The following LY9 variants were observed in gnomAD, a reference collection of about 807,000 sequenced individuals.
The protein encoded by LY9 is T-lymphocyte surface antigen Ly-9.
A neutral mutation model predicts 64.6 loss-of-function variants in LY9; 59 were observed. The ratio of observed to expected loss-of-function variants is 0.91; its 90% CI spans 0.74 to 1.13. The LOEUF (loss-of-function observed/expected upper bound fraction) is 1.13. Ranked by LOEUF, LY9 falls within the 50% of genes most tolerant of loss-of-function variation. LY9 has a pLI of 0.00. For missense variants in LY9, 789 were observed against 797.2 expected (o/e 0.99, Z 0.12); for synonymous variants, 281 against 308.5 (o/e 0.91, Z 0.93).
intron 4 of LY9, chr1:160,815,301 A>C (rs1043959864): frequency 2.6e-5 from 4 of 153,068 alleles, no homozygotes; most frequent in African/African-American, 9.7e-5. Context: ...AGATCATGCC[A>C]CTTCACTCCA....
intron 4 of LY9, chr1:160,815,406 A>AGATG (rs1186961109): frequency 6.6e-6 from 1 of 152,306 alleles, no homozygotes; most frequent in Non-Finnish European, 1.5e-5. Context: ...TAAATTTTTG[A>AGATG]GATGGAGTCA....
chr1:160,822,096 G>A (rs985431574), intron 7 of LY9, among the ~76,000 whole-genome samples: 1 of 152,180 alleles, frequency 6.6e-6, no homozygotes, highest in Non-Finnish European at 1.5e-5. Context: ...AAGGGGCTAT[G>A]TTGTCTGAGA....
At chr1:160,825,088 G>C (rs536069055) in intron 9 of LY9, among the ~76,000 whole-genome samples, 1 of 151,046 alleles carries the variant, frequency 6.6e-6, no homozygotes, top group South Asian at 2.1e-4. Flanking sequence ...CACACCTGTA[G>C]TCCCAGCTAC....
At chr1:160,808,526 G>A (rs531288890) in intron 2 of LY9, among the ~76,000 whole-genome samples, 14 of 152,260 alleles carry the variant, frequency 9.2e-5, no homozygotes, top group Non-Finnish European at 1.6e-4. Flanking sequence ...GGGTCAAAGG[G>A]GTCTCATGTG....
intron 6 of LY9, 119 bp downstream of exon 6, chr1:160,818,438 C>T (rs1476565928): frequency 2.9e-6 from 2 of 693,294 alleles, no homozygotes; most frequent in East Asian, 5.4e-5. Context: ...CTTATTTCTT[C>T]TCAGAGCAAT....
At chr1:160,800,515 CAA>C (rs927780596) in intron 2 of LY9, among the ~76,000 whole-genome samples, 1 of 152,146 alleles carries the variant, frequency 6.6e-6, no homozygotes, top group African/African-American at 2.4e-5. Context: ...CACATTGCTG[CAA>C]AAGACATGAT....
chr1:160,820,537 G>A (rs1446384432), intron 7 of LY9, among the ~76,000 whole-genome samples: 2 of 152,234 alleles, frequency 1.3e-5, no homozygotes, highest in African/African-American at 4.8e-5. Flanking sequence ...TCTTCTGATG[G>A]AAAAGCATAA....
At chr1:160,816,337 G>A (rs1217753869) in intron 4 of LY9, among the ~76,000 whole-genome samples, 1 of 152,130 alleles carries the variant, frequency 6.6e-6, no homozygotes, top group Non-Finnish European at 1.5e-5. Flanking sequence ...TATAGAATGA[G>A]GTTGTGTCTT....
chr1:160,812,238 ATCT>A (rs1214080771), intron 2 of LY9: 1 of 152,084 alleles, frequency 6.6e-6, no homozygotes, highest in Non-Finnish European at 1.5e-5. Flanking sequence ...CTCTAATCTC[ATCT>A]TCTTATAAGG....
At chr1:160,801,858 G>C in intron 2 of LY9, 1 of 1,614,178 alleles carries the variant, frequency 6.2e-7, no homozygotes, top group Non-Finnish European at 8.5e-7. Flanking sequence ...GGAGGGCAGC[G>C]GCCTGGAGTC....
chr1:160,818,370 G>C (rs1332026412), intron 6 of LY9, 51 bp downstream of exon 6: 1 of 1,362,196 alleles, frequency 7.3e-7, no homozygotes, highest in Non-Finnish European at 1.0e-6. Flanking sequence ...ATTTCCCTGG[G>C]ACTTGTGGAG....
chr1:160,820,602 A>G lies in LY9; in HGVS notation c.1498+1228A>G, dbSNP rs182671884. The stretch of plus-strand genomic sequence containing the variant: ...AGGCTGGACTATGAAGCTCCCCATC[A>G]GCTCCCTCCTCACTACTGACAGGAC... On this transcript the variant is annotated intron_variant, in intron 7 of 9. Transcript: ENST00000263285. Among the ~76,000 whole-genome samples, 18 of 152,126 alleles carry G rather than the reference A, an allele frequency of 1.2e-4. 1 individual carries two copies. The highest frequency in any genetic ancestry group is 4.3e-4 in the African/African-American group (18 of 41,508).
At chr1:160,822,863 G>A (rs945529075) in intron 7 of LY9, among the ~76,000 whole-genome samples, 13 of 152,038 alleles carry the variant, frequency 8.6e-5, no homozygotes, top group South Asian at 2.1e-4. Context: ...TCATCCTTTC[G>A]GAAAAAGAGA....
chr1:160,797,702 G>A (rs996310709), intron 1 of LY9, among the ~76,000 whole-genome samples: 1 of 152,150 alleles, frequency 6.6e-6, no homozygotes, highest in African/African-American at 2.4e-5. Context: ...AACTTAAAAG[G>A]CAGTCGAGTG....
In LY9 at chr1:160,820,279, G is replaced by A. The variant is rs1030250952; in HGVS notation, c.1498+905G>A. ...TGGAACTGCTCTGACAGGTTTTAGTGTGGGGAGCTGAGATGCCTGCCTTTA... is the reference window on the plus strand; with the variant it reads ...TGGAACTGCTCTGACAGGTTTTAGTATGGGGAGCTGAGATGCCTGCCTTTA... On this transcript the variant is annotated intron_variant, in intron 7 of 9. Transcript: ENST00000263285. Among the ~76,000 whole-genome samples, 11 of 152,248 alleles carry A rather than the reference G, an allele frequency of 7.2e-5. No individual in the cohort carries two copies. The South Asian group carries it at 2.1e-3, about 29-fold the overall frequency.
intron 1 of LY9, 44 bp from the exon 2 acceptor site, chr1:160,799,709 A>G (rs2101735259): frequency 8.2e-7 from 1 of 1,225,558 alleles, no homozygotes; most frequent in Non-Finnish European, 1.2e-6. Context: ...AGGCTAGCTC[A>G]AGGAGTCTAG....
Position 160,813,666 on chromosome 1 carries a change from A to G in LY9, c.485A>G (p.Lys162Arg). 1 of 1,614,126 alleles carries G rather than the reference A, an allele frequency of 6.2e-7. No individual in the cohort carries two copies. Among genetic ancestry groups the G allele is most frequent in the South Asian group, 1.1e-5 (1 of 91,074 alleles). ...EQLQEPQVTMKSVKVSENFSC... is the reference protein window; with the variant it reads ...EQLQEPQVTMRSVKVSENFSC... ...CTGCAGGAGCCCCAAGTCACCATGA[A>G]GTCTGTGAAGGTGTCTGAGAACTTC... The change falls in exon 3 of 10, where the codon AAG becomes AGG. Residue 162 changes from lysine to arginine, a missense_variant. Coordinates refer to ENST00000263285, the MANE Select transcript of LY9 (RefSeq NM_002348.4).
intron 2 of LY9, chr1:160,802,054 G>A: frequency 1.4e-6 from 2 of 1,414,570 alleles, no homozygotes; most frequent in Non-Finnish European, 1.8e-6. Flanking sequence ...AGACGTGGGC[G>A]TTAGGCGTGT....
intron 2 of LY9, chr1:160,810,914 G>A (rs1168663734): frequency 6.6e-6 from 1 of 152,198 alleles, no homozygotes; most frequent in African/African-American, 2.4e-5. Flanking sequence ...CATTCCAAAA[G>A]AGAGACATTG....
Sources: allele counts gnomAD v4.1 joint callset (sites outside exome capture counted in the v4.1 genomes callset), GRCh38; gene constraint gnomAD v4.1.1; transcripts MANE v1.5; gene names NCBI Gene and HGNC (gene_info 2026-07-23, HGNC 2026-07-21).